The following RBM4 variants were observed in gnomAD, a reference collection of about 807,000 sequenced individuals.
RBM4 encodes RNA binding motif protein 4.
In RBM4, 7 loss-of-function variants were observed where a neutral mutation model predicts 29.5. That is an observed-to-expected ratio of 0.24 (90% CI 0.14 to 0.45). The LOEUF (loss-of-function observed/expected upper bound fraction) is 0.45. Among genes scored for constraint, RBM4 ranks in the 20% least tolerant of loss-of-function variants. The pLI is 1.00. For missense variants in RBM4, 387 were observed against 502.3 expected (o/e 0.77, Z 2.19); for synonymous variants, 220 against 205.4 (o/e 1.07, Z -0.61).
chr11:66,653,657 C>T (rs967887138), intron 2 of RBM4, among the ~76,000 whole-genome samples: 2 of 152,092 alleles, frequency 1.3e-5, no homozygotes, highest in Non-Finnish European at 2.9e-5. Context: ...CCACCGCGCC[C>T]AACCTTTTCT....
At position 66,652,021 on chromosome 11, in the gene RBM4, T is replaced by C. The variant is rs77894792; in HGVS notation, c.412+11898T>C. ...ACTGTGTGTGATATTTACCTAGTTA[T>C]GATCGTAGCAGCTCTGAATATTAAA... On this transcript the variant is annotated intron_variant, in intron 2 of 2. Transcript: ENST00000396053. Among the ~76,000 whole-genome samples the C allele has an allele frequency of 6.7e-3, 1,014 of 152,310 alleles. 10 individuals carry two copies. Among genetic ancestry groups the C allele is most frequent in the African/African-American group, 0.023 (944 of 41,574 alleles).
chr11:66,660,370 T>G lies in RBM4; in HGVS notation c.413-5486T>G, dbSNP rs1347594313. Among the ~76,000 whole-genome samples the G allele has an allele frequency of 4.4e-3, 663 of 149,510 alleles. 2 individuals carry two copies. Among genetic ancestry groups the G allele is most frequent in the African/African-American group, 0.015 (629 of 40,852 alleles). ...GTCTCTCTTTTTTTTTTTTTTTTTTTGAGACAGAGTCTTGCTCTGCAACCA... is the reference window on the plus strand; with the variant it reads ...GTCTCTCTTTTTTTTTTTTTTTTTTGGAGACAGAGTCTTGCTCTGCAACCA... On this transcript the variant is annotated intron_variant, in intron 2 of 2. Transcript: ENST00000396053.
intron 2 of RBM4, among the ~76,000 whole-genome samples, chr11:66,658,387 G>A (rs1359007266): frequency 8.6e-6 from 1 of 116,796 alleles, no homozygotes; most frequent in African/African-American, 3.3e-5. Flanking sequence ...TGGGCAACTA[G>A]AATAGGCTCA....
chr11:66,649,235 C>T (rs1001141716), downstream of RBM4, among the ~76,000 whole-genome samples: 2 of 152,140 alleles, frequency 1.3e-5, no homozygotes, highest in Non-Finnish European at 2.9e-5. Context: ...AACTCCTGGA[C>T]TCAAGTGATC....
chr11:66,639,777 C>T lies in RBM4; in HGVS notation c.66C>T (p.Phe22=), dbSNP rs779644868. Residue 22 remains phenylalanine, a synonymous_variant, in exon 2 of 4, where the codon TTC becomes TTT. Coordinates refer to ENST00000310092, the MANE Select transcript of RBM4 (RefSeq NM_002896.4). ...EATEQEIRSL[F]EQYGKVLECD... ...CAGAGCAGGAGATTCGCTCACTCTT[C>T]GAGCAGTATGGGAAGGTGCTGGAAT... 8.1e-6 allele frequency: 13 copies of T among 1,614,000 alleles called. No homozygotes were observed. The highest frequency in any genetic ancestry group is 1.0e-5 in the Non-Finnish European group (12 of 1,180,026).
chr11:66,640,450 G>GT, intron 2 of RBM4: 1 of 486,786 alleles, frequency 2.1e-6, no homozygotes, highest in Non-Finnish European at 3.6e-6. Flanking sequence ...GTAGAGCACA[G>GT]TTCAGAGTTC....
chr11:66,666,381 C>A, exon 3 of RBM4: 3 of 994,312 alleles, frequency 3.0e-6, no homozygotes, highest in Non-Finnish European at 3.6e-6. Flanking sequence ...AGGGTGAGAC[C>A]CGAATTTGGA....
chr11:66,644,329 T>C (rs1455910682), intron 3 of RBM4, 189 bp downstream of exon 3: 4 of 796,894 alleles, frequency 5.0e-6, no homozygotes, highest in Admixed American at 3.5e-5. Flanking sequence ...TTGGCCCTCA[T>C]GGCTATTTTT....
chr11:66,662,530 T>C (rs1251255055), intron 2 of RBM4, among the ~76,000 whole-genome samples: 1 of 152,108 alleles, frequency 6.6e-6, no homozygotes, highest in Non-Finnish European at 1.5e-5. Context: ...GCCTCCCTAG[T>C]AGCTGGGATT....
chr11:66,645,407 G>A (rs1428973455), intron 3 of RBM4, among the ~76,000 whole-genome samples: 2 of 152,196 alleles, frequency 1.3e-5, no homozygotes, highest in Non-Finnish European at 2.9e-5. Context: ...CAGAAGGTAT[G>A]TGGCTTTCCC....
chr11:66,649,014 T>C (rs779251072), downstream of RBM4, among the ~76,000 whole-genome samples: 1 of 151,324 alleles, frequency 6.6e-6, no homozygotes, highest in Non-Finnish European at 1.5e-5. Context: ...CTTTTGTTTT[T>C]GTTTTTGTTT....
chr11:66,644,216 C>G (rs1052854356), intron 3 of RBM4, 76 bp downstream of exon 3: 1 of 1,517,240 alleles, frequency 6.6e-7, no homozygotes, highest in African/African-American at 1.4e-5. Flanking sequence ...TTAGGCTGCC[C>G]TGCTTGCTTG....
At chr11:66,666,912 T>TTG (rs1183905701) in exon 3 of RBM4, 1 of 114,902 alleles carries the variant, frequency 8.7e-6, no homozygotes, top group East Asian at 2.1e-4. Context: ...GCTTTTTAAT[T>TTG]TTTTTTTTTT....
In RBM4 at chr11:66,643,721, C is replaced by T; in HGVS notation, c.684C>T (p.Ala228=). 5 of 1,614,144 alleles carry T rather than the reference C, an allele frequency of 3.1e-6. No homozygotes were observed. Among genetic ancestry groups the T allele is most frequent in the Non-Finnish European group, 3.4e-6 (4 of 1,180,022 alleles). ...CCTACTACAAGCGCTGCCGTGCTGC[C>T]CGGTCCTATGAGGCAGTGGCAGCTG... ...LDAYYKRCRA[A]RSYEAVAAAA... is the part of the protein sequence containing the mutation. Residue 228 remains alanine (A), a synonymous_variant, in exon 3 of 4, where the codon GCC becomes GCT. Transcript: ENST00000310092. The surrounding 1 kb of genome is among the most constrained non-coding windows in gnomAD (Gnocchi z 6.1).
chr11:66,641,430 G>A (rs533395345), intron 2 of RBM4, among the ~76,000 whole-genome samples: 1 of 152,258 alleles, frequency 6.6e-6, no homozygotes, highest in East Asian at 1.9e-4. Context: ...GGTCTCTCAG[G>A]TCTAGTTTGC....
At chr11:66,647,486 C>T (rs1234134126), downstream of RBM4, among the ~76,000 whole-genome samples, 1 of 152,168 alleles carries the variant, frequency 6.6e-6, no homozygotes, top group African/African-American at 2.4e-5. Flanking sequence ...ATTTAATCTT[C>T]CCAGCAAATG....
intron 2 of RBM4, chr11:66,640,483 C>T: frequency 4.5e-6 from 2 of 446,490 alleles, no homozygotes; most frequent in East Asian, 3.4e-5. Context: ...TTATTGCCCT[C>T]AGCACAGGAT....
intron 2 of RBM4, among the ~76,000 whole-genome samples, chr11:66,659,261 TTC>T (rs1458353081): frequency 5.9e-5 from 8 of 134,464 alleles, no homozygotes; most frequent in Non-Finnish European, 1.1e-4. Flanking sequence ...TTCTTCTTGG[TTC>T]TTTTTTTTTT....
At chr11:66,640,289 AG>A (rs1264989569) in intron 2 of RBM4, 166 bp downstream of exon 2, 8 of 923,772 alleles carry the variant, frequency 8.7e-6, no homozygotes, top group Non-Finnish European at 1.3e-5. Context: ...CATGGGACTT[AG>A]GGGCTTTACC....
Sources: gnomAD v4.1 joint callset for allele counts (sites outside exome capture counted in the v4.1 genomes callset) on GRCh38, gnomAD v4.1.1 for gene constraint, Gnocchi (gnomAD v3.1) non-coding constraint, MANE v1.5 for transcripts, NCBI Gene and HGNC (gene_info 2026-07-23, HGNC 2026-07-21) for gene names.